NFKBIB: variants seen among roughly 807,000 people sequenced by gnomAD.
The protein encoded by NFKBIB is NF-kappa-B inhibitor beta.
A neutral mutation model predicts 32.1 loss-of-function variants in NFKBIB; 16 were observed. The observed-to-expected ratio is 0.50, with a 90% confidence interval of 0.34 to 0.76. NFKBIB has a LOEUF of 0.76. NFKBIB is among the 30% of genes least tolerant of loss of function. NFKBIB has a pLI of 0.01. For synonymous variants in NFKBIB, 222 were observed against 219.5 expected (o/e 1.01, Z -0.10); for missense variants, 437 against 514.9 (o/e 0.85, Z 1.46).
At chr19:38,907,912 T>G in intron 5 of NFKBIB, 1 of 1,352,646 alleles carries the variant, frequency 7.4e-7, no homozygotes, top group Non-Finnish European at 9.5e-7. Flanking sequence ...AAGGCGTTGG[T>G]CGCAGTGATT....
Position 38,908,719 on chromosome 19 carries a change from C to T in NFKBIB, c.970-12C>T, listed in dbSNP as rs751374607. On this transcript the variant is annotated splice_polypyrimidine_tract_variant and intron_variant, in intron 5 of 5. Coordinates refer to ENST00000313582, the MANE Select transcript of NFKBIB (RefSeq NM_002503.5). ...CGCCTGAGCCCCTCTGCCTGGTCCCCTTTGCCCCCAGGATGAATACGACGA... is the reference window on the plus strand; with the variant it reads ...CGCCTGAGCCCCTCTGCCTGGTCCCTTTTGCCCCCAGGATGAATACGACGA... The T allele has an allele frequency of 2.4e-5, 39 of 1,609,896 alleles. No individual in the cohort carries two copies. The highest frequency in any genetic ancestry group is 4.0e-5 in the African/African-American group (3 of 74,690).
Position 38,907,500 on chromosome 19 carries a change from C to T in NFKBIB, c.810C>T (p.Arg270=). 1 of 1,612,676 alleles carries T rather than the reference C, an allele frequency of 6.2e-7. No homozygotes were observed. Among genetic ancestry groups the T allele is most frequent in the African/African-American group, 1.3e-5 (1 of 75,056 alleles). ...LLRAGANPAA[R]MYGGRTPLGS... is the part of the protein sequence containing the mutation. ...GGGCAGGCGCGAACCCTGCTGCCCG[C>T]ATGTACGGTGGCCGCACCCCACTCG... is the stretch of plus-strand genomic sequence containing the variant. The change falls in exon 5 of 6, where the codon CGC becomes CGT. Residue 270 remains arginine, a synonymous_variant. Coordinates refer to ENST00000313582, the MANE Select transcript of NFKBIB (RefSeq NM_002503.5).
Position 38,908,857 on chromosome 19 carries a change from C to A in NFKBIB, c.*25C>A. The A allele has an allele frequency of 3.7e-6, 6 of 1,611,112 alleles. No homozygotes were observed. The highest frequency in any genetic ancestry group is 5.1e-6 in the Non-Finnish European group (6 of 1,179,220). Reference sequence around the variant, plus strand: ...ATTTGTTTCATTGTTAATATAATTTCCAGTTTAATAAACAAAACCCTAGTT... The same window carrying A: ...ATTTGTTTCATTGTTAATATAATTTACAGTTTAATAAACAAAACCCTAGTT... On this transcript the variant is annotated 3_prime_UTR_variant, in exon 6 of 6. Transcript: ENST00000313582.
In NFKBIB at chr19:38,908,814, C is replaced by T. The variant is rs138293871; in HGVS notation, c.1053C>T (p.Asp351=). The change falls in exon 6 of 6, where the codon GAC becomes GAT. Residue 351 remains aspartate (D), a synonymous_variant. Transcript: ENST00000313582. ...CCCCAGCCTCAAAACCTCTTCCTGA[C>T]GACCCCCGCCCCGTGTGATTTGTTT... ...PPTPASKPLP[D]DPRPV The T allele has an allele frequency of 4.0e-5, 65 of 1,612,970 alleles. No homozygotes were observed. The highest frequency in any genetic ancestry group is 1.3e-4 in the South Asian group (12 of 90,906).
rs778314365 is a variant in NFKBIB at position 38,908,746 on chromosome 19, A to G, written c.985A>G (p.Ile329Val). Reference sequence around the variant, plus strand: ...TTGCCCCCAGGATGAATACGACGACATTGTGGTTCACAGCAGCCGCAGCCA... The same window carrying G: ...TTGCCCCCAGGATGAATACGACGACGTTGTGGTTCACAGCAGCCGCAGCCA... ...SGDEGDEYDD[I>V]VVHSSRSQTR... The change falls in exon 6 of 6, where the codon ATT becomes GTT. Residue 329 changes from isoleucine to valine, a missense_variant. Coordinates refer to ENST00000313582, the MANE Select transcript of NFKBIB (RefSeq NM_002503.5). 1.1e-5 allele frequency: 18 copies of G among 1,613,354 alleles called. No homozygotes were observed. The highest frequency in any genetic ancestry group is 1.5e-5 in the Non-Finnish European group (18 of 1,179,816).
At chr19:38,900,881 A>G (rs550284212) in intron 1 of NFKBIB, among the ~76,000 whole-genome samples, 2 of 152,314 alleles carry the variant, frequency 1.3e-5, no homozygotes, top group Admixed American at 6.5e-5. Context: ...ATTTTAGTGG[A>G]GCTAAATAAA....
chr19:38,899,979 C>A lies in NFKBIB; in HGVS notation c.-54C>A, dbSNP rs1313279203. The A allele has an allele frequency of 2.8e-6, 4 of 1,432,842 alleles. No homozygotes were observed. The highest frequency in any genetic ancestry group is 3.7e-6 in the Non-Finnish European group (4 of 1,094,636). The allele number at this position is 1,432,842 out of a possible 1,614,324, so 88.8% of individuals were successfully genotyped here. A position where few individuals can be genotyped will look rare whatever the true frequency, so the allele number is the denominator to read the frequency against. On this transcript the variant is annotated 5_prime_UTR_variant, in exon 1 of 6. Coordinates refer to ENST00000313582, the MANE Select transcript of NFKBIB (RefSeq NM_002503.5). Reference sequence around the variant, plus strand: ...AGGGCGGAAGCTCCAGAACTCCCGGCAAAGCCCAGCTACAGGCGGGCGACT... The same window carrying A: ...AGGGCGGAAGCTCCAGAACTCCCGGAAAAGCCCAGCTACAGGCGGGCGACT...
chr19:38,900,274 T>C, intron 1 of NFKBIB, 63 bp downstream of exon 1: 1 of 1,482,698 alleles, frequency 6.7e-7, no homozygotes, highest in Admixed American at 2.5e-5. Flanking sequence ...CTCATTAATC[T>C]CTGATCCCTG....
Position 38,907,632 on chromosome 19 carries a change from TAGCGAC to T in NFKBIB, c.953_958del (p.Asp318_Ser319del), listed in dbSNP as rs756150498. 312 of 1,609,042 alleles carry T rather than the reference TAGCGAC, an allele frequency of 1.9e-4. No individual in the cohort carries two copies. The highest frequency in any genetic ancestry group is 5.0e-5 in the Non-Finnish European group (59 of 1,178,302). The stretch of plus-strand genomic sequence containing the variant: ...AGAAATCCGGCCCCTGCAGCAGCAG[TAGCGAC>T]AGCGACAGCGGAGACGAGGGCGTGA... On this transcript the variant is annotated inframe_deletion, in exon 5 of 6. Coordinates refer to ENST00000313582, the MANE Select transcript of NFKBIB (RefSeq NM_002503.5).
chr19:38,907,796 G>A, intron 5 of NFKBIB, 137 bp downstream of exon 5: 1 of 1,450,032 alleles, frequency 6.9e-7, no homozygotes, highest in Non-Finnish European at 9.1e-7. Context: ...GTGACACGGG[G>A]CACTAGTCAG....
chr19:38,907,151 C>T (rs1974153931), intron 3 of NFKBIB, 70 bp from the exon 4 acceptor site: 3 of 1,424,658 alleles, frequency 2.1e-6, no homozygotes, highest in Admixed American at 1.9e-5. Context: ...GACCCTCCCC[C>T]AGGATCAAAG....
upstream of NFKBIB, chr19:38,899,913 A>C: frequency 9.4e-7 from 1 of 1,059,938 alleles, no homozygotes; most frequent in Non-Finnish European, 1.3e-6. Context: ...TCAGCATATT[A>C]TCATTGGGTG....
chr19:38,900,082 G>A lies in NFKBIB; in HGVS notation c.50G>A (p.Cys17Tyr). 6.5e-7 allele frequency: 1 copy of A among 1,538,126 alleles called. No homozygotes were observed. Among genetic ancestry groups the A allele is most frequent in the Non-Finnish European group, 8.7e-7 (1 of 1,146,530 alleles). Residue 17 changes from cysteine (C) to tyrosine (Y), a missense_variant, in exon 1 of 6, where the codon TGC (cysteine) becomes TAC (tyrosine). Physicochemically the swap from Cys to Tyr is radical, Grantham distance 194. Transcript: ENST00000313582. ...AAAGCTGCCGACGCAGATGAATGGT[G>A]CGACAGCGGCCTGGGCTCCCTGGGT... Reference protein sequence around the residue: ...LGKAADADEWCDSGLGSLGPD... With the variant: ...LGKAADADEWYDSGLGSLGPD...
Position 38,905,151 on chromosome 19 carries a change from G to A in NFKBIB, c.285+31G>A. The A allele has an allele frequency of 6.2e-7, 1 of 1,612,148 alleles. No individual in the cohort carries two copies. The highest frequency in any genetic ancestry group is 8.5e-7 in the Non-Finnish European group (1 of 1,179,030). ...CCACGAGGGATGGTGTAGGGCTTGG[G>A]GTCCAGGGTTCCCAGTGTGACTCCC... On this transcript the variant is annotated intron_variant, in intron 2 of 5. Transcript: ENST00000313582. The surrounding 1 kb of genome is among the most constrained non-coding windows in gnomAD (Gnocchi z 5.5).
chr19:38,908,655 G>A lies in NFKBIB; in HGVS notation c.970-76G>A. ...TTTGAGGCGAGACCTAATTCTTAGG[G>A]TGCTCTATGAGGACATGGGTGGTGG... On this transcript the variant is annotated intron_variant, in intron 5 of 5. Transcript: ENST00000313582. The A allele has an allele frequency of 3.3e-6, 5 of 1,498,256 alleles. No homozygotes were observed. In the South Asian group the frequency reaches 6.7e-5, roughly 20 times the overall value. The allele number at this position is 1,498,256 out of a possible 1,614,324, so 92.8% of individuals were successfully genotyped here.
intron 1 of NFKBIB, among the ~76,000 whole-genome samples, chr19:38,903,602 A>G (rs1025987133): frequency 2.0e-5 from 3 of 151,916 alleles, no homozygotes; most frequent in Non-Finnish European, 4.4e-5. Context: ...GAACTGTTTT[A>G]ATATTCTTGT....
Position 38,908,737 on chromosome 19 carries a change from T to A in NFKBIB, c.976T>A (p.Tyr326Asn). ...DSDSGDEGDE[Y>N]DDIVVHSSRS... Reference sequence around the variant, plus strand: ...TGGTCCCCTTTGCCCCCAGGATGAATACGACGACATTGTGGTTCACAGCAG... The same window carrying A: ...TGGTCCCCTTTGCCCCCAGGATGAAAACGACGACATTGTGGTTCACAGCAG... The change falls in exon 6 of 6, where the codon TAC becomes AAC. Residue 326 changes from tyrosine (Y) to asparagine (N), a missense_variant. Transcript: ENST00000313582. 1 of 1,612,986 alleles carries A rather than the reference T, an allele frequency of 6.2e-7. No homozygotes were observed. Among genetic ancestry groups the A allele is most frequent in the Non-Finnish European group, 8.5e-7 (1 of 1,179,642 alleles).
At chr19:38,902,463 G>A (rs902038041) in intron 1 of NFKBIB, among the ~76,000 whole-genome samples, 2 of 152,090 alleles carry the variant, frequency 1.3e-5, no homozygotes, top group Non-Finnish European at 2.9e-5. Flanking sequence ...ATGGCCTCCA[G>A]GCAAAATCTA....
At chr19:38,899,888 C>G, upstream of NFKBIB, 1 of 837,528 alleles carries the variant, frequency 1.2e-6, no homozygotes, top group Admixed American at 2.9e-5. Context: ...AGTACGAGGG[C>G]GGGGTGTGAG....
Sources: allele counts gnomAD v4.1 joint callset (sites outside exome capture counted in the v4.1 genomes callset), GRCh38; gene constraint gnomAD v4.1.1; non-coding constraint Gnocchi (gnomAD v3.1); transcripts MANE v1.5; gene names NCBI Gene and HGNC (gene_info 2026-07-23, HGNC 2026-07-21).